Variants in HEATR6 observed in about 807,000 individuals in gnomAD.
HEATR6 encodes the protein HEAT repeat-containing protein 6.
HEATR6 carries 106 observed loss-of-function variants against 132.8 expected under a neutral mutation model. The ratio of observed to expected loss-of-function variants is 0.80; its 90% CI spans 0.68 to 0.94. The LOEUF (loss-of-function observed/expected upper bound fraction) is 0.94. HEATR6 is among the 40% of genes least tolerant of loss of function. The probability of loss-of-function intolerance (pLI) is 0.00; values close to 1 mark genes in which losing one functional copy is unlikely to be tolerated. For synonymous variants in HEATR6, 529 were observed against 537.8 expected, an observed-to-expected ratio of 0.98 and a Z score of 0.23; for missense variants, 1,339 against 1,425.1, an observed-to-expected ratio of 0.94 and a Z score of 0.97.
In HEATR6 at chr17:60,049,584, C is replaced by G; in HGVS notation, c.2543G>C (p.Arg848Thr). Residue 848 changes from arginine to threonine, a missense_variant, in exon 16 of 20, where the codon AGA (arginine) becomes ACA (threonine). Transcript: ENST00000184956. ...GCTAAATAGGCTCACTCTGACCTGT[C>G]TGAGACAGGGAAAAAGCACATAGAC... The part of the protein sequence containing the change: ...LGVYVLFPCL[R>T]QDVIFVADAA... 1 of 1,613,764 alleles carries G rather than the reference C, an allele frequency of 6.2e-7. No individual in the cohort carries two copies. Among genetic ancestry groups the G allele is most frequent in the African/African-American group, 1.3e-5 (1 of 75,042 alleles).
chr17:60,041,100 A>G lies in HEATR6; in HGVS notation c.*2463T>C, dbSNP rs1906160619. Among the ~76,000 whole-genome samples the G allele has an allele frequency of 6.6e-6, 1 of 152,182 alleles. No homozygotes were observed. Among genetic ancestry groups the G allele is most frequent in the Non-Finnish European group, 1.5e-5 (1 of 68,028 alleles). ...TTTATGGAGGCACGTGCCCAGGCAT[A>G]TGAGGAGCTTCTGTCCTTTAGTGTA... On this transcript the variant is annotated 3_prime_UTR_variant, in exon 20 of 20. Coordinates refer to ENST00000184956, the MANE Select transcript of HEATR6 (RefSeq NM_022070.5).
chr17:60,048,971 ACATATATATATAATATATATATATATAT>A lies in HEATR6; in HGVS notation c.2547+581_2548-584del, dbSNP rs1219731409. On this transcript the variant is annotated intron_variant, in intron 16 of 19. Transcript: ENST00000184956. ...AGTAATTAAAAATTAAAAATAAATA[ACATATATATATAATATATATATATATAT>A]ATATATATATATATATATATGGTAA... is the stretch of plus-strand genomic sequence containing the variant. Among the ~76,000 whole-genome samples, 11 of 106,508 alleles carry A rather than the reference ACATATATATATAATATATATATATATAT, an allele frequency of 1.0e-4. 1 individual carries two copies. Among genetic ancestry groups the A allele is most frequent in the African/African-American group, 4.2e-4 (10 of 23,838 alleles). 69.9% of individuals were successfully genotyped at this position (106,508 alleles called of 152,430 possible). A position where few individuals can be genotyped will look rare whatever the true frequency, so the allele number is the denominator to read the frequency against.
chr17:60,044,752 ATGGG>A (rs1403097129), intron 19 of HEATR6, among the ~76,000 whole-genome samples: 7 of 152,152 alleles, frequency 4.6e-5, no homozygotes, highest in Admixed American at 1.3e-4. Context: ...CTTACTCAAG[ATGGG>A]TGACAGAGTA....
chr17:60,073,238 C>T lies in HEATR6; in HGVS notation c.510G>A (p.Lys170=), dbSNP rs528452926. ...ELLGNTGLLM[K]LSDLAQSDPE... ...GATCAGACTGAGCCAAGTCACTCAACTTCATTAAGAGTCCGGTGTTGCCTA... is the reference window on the plus strand; with the variant it reads ...GATCAGACTGAGCCAAGTCACTCAATTTCATTAAGAGTCCGGTGTTGCCTA... The change falls in exon 4 of 20, where the codon AAG becomes AAA. Residue 170 remains lysine, a synonymous_variant. Transcript: ENST00000184956. 4.3e-6 allele frequency: 7 copies of T among 1,613,782 alleles called. No individual in the cohort carries two copies. The African/African-American group carries it at 8.0e-5, about 18-fold the overall frequency.
In HEATR6 at chr17:60,055,515, CAAG is replaced by C; in HGVS notation, c.2286_2288del (p.Phe762del). ...AAACTATGAATTGACATTTATTTACCAAGAAGACTGGTGCTCTCTGATCAGGTG... is the reference window on the plus strand; with the variant it reads ...AAACTATGAATTGACATTTATTTACCAAGACTGGTGCTCTCTGATCAGGTG... On this transcript the variant is annotated inframe_deletion and splice_region_variant, in exon 14 of 20. Coordinates refer to ENST00000184956, the MANE Select transcript of HEATR6 (RefSeq NM_022070.5). The C allele has an allele frequency of 6.3e-7, 1 of 1,598,802 alleles. No homozygotes were observed. The highest frequency in any genetic ancestry group is 8.5e-7 in the Non-Finnish European group (1 of 1,171,498).
In HEATR6 at chr17:60,078,836, C is replaced by T. The variant is rs1404227363; in HGVS notation, c.79G>A (p.Gly27Ser). 5 of 1,606,964 alleles carry T rather than the reference C, an allele frequency of 3.1e-6. No homozygotes were observed. Among genetic ancestry groups the T allele is most frequent in the African/African-American group, 1.3e-5 (1 of 74,172 alleles). The change falls in exon 1 of 20, where the codon GGC becomes AGC. Residue 27 changes from glycine to serine, a missense_variant. Coordinates refer to ENST00000184956, the MANE Select transcript of HEATR6 (RefSeq NM_022070.5). ...GCAGACAAGAGGCGAAACCCATTGCCTCGCTCAGGGATTGCTTCCCGCGGT... is the reference window on the plus strand; with the variant it reads ...GCAGACAAGAGGCGAAACCCATTGCTTCGCTCAGGGATTGCTTCCCGCGGT... The part of the protein sequence containing the change: ...EAPREAIPER[G>S]NGFRLLSARL...
intron 19 of HEATR6, among the ~76,000 whole-genome samples, chr17:60,044,425 T>G (rs1484451750): frequency 6.6e-6 from 1 of 152,140 alleles, no homozygotes; most frequent in African/African-American, 2.4e-5. Context: ...AAAGGCTTCT[T>G]CTCTGGGAGG....
At chr17:60,046,770 C>T (rs1182637765) in intron 18 of HEATR6, among the ~76,000 whole-genome samples, 1 of 152,156 alleles carries the variant, frequency 6.6e-6, no homozygotes, top group African/African-American at 2.4e-5. Flanking sequence ...TGGTATGGGT[C>T]AGGTACTGTG....
intron 13 of HEATR6, 43 bp from the exon 14 acceptor site, chr17:60,055,644 T>C (rs1906717953): frequency 1.4e-6 from 2 of 1,419,680 alleles, no homozygotes; most frequent in East Asian, 2.3e-5. Context: ...TCAGAACTAA[T>C]GAATGACTTC....
At chr17:60,060,244 T>C (rs1010110732) in intron 9 of HEATR6, 148 bp from the exon 10 acceptor site, 9 of 620,542 alleles carry the variant, frequency 1.5e-5, no homozygotes, top group Non-Finnish European at 2.5e-5. Flanking sequence ...TCCTAAAAAC[T>C]AGGCCACTTG....
chr17:60,057,635 G>C (rs1906788098), intron 11 of HEATR6, among the ~76,000 whole-genome samples: 1 of 152,176 alleles, frequency 6.6e-6, no homozygotes, highest in African/African-American at 2.4e-5. Flanking sequence ...TTTGGTGACA[G>C]AGCTTAGAGT....
intron 5 of HEATR6, among the ~76,000 whole-genome samples, chr17:60,071,414 A>G (rs998257074): frequency 2.0e-5 from 3 of 152,200 alleles, no homozygotes; most frequent in Admixed American, 1.3e-4. Flanking sequence ...AAAGAAGCTA[A>G]CCCTCTGCTA....
At chr17:60,061,438 G>A (rs1178731925) in intron 9 of HEATR6, among the ~76,000 whole-genome samples, 1 of 151,920 alleles carries the variant, frequency 6.6e-6, no homozygotes, top group Non-Finnish European at 1.5e-5. Context: ...GTGAAAAAAC[G>A]AGAGAGCGAG....
Position 60,067,732 on chromosome 17 carries a change from T to A in HEATR6, c.940A>T (p.Asn314Tyr), listed in dbSNP as rs2083249736. ...TTTACTTTGGATTTTTTCTTTTTAT[T>A]CTGATTGTGGGAGCAAATGAAGACA... is the stretch of plus-strand genomic sequence containing the variant. ...SESSASRPTLNKKKKSKVKPK... is the reference protein window; with the variant it reads ...SESSASRPTLYKKKKSKVKPK... Residue 314 changes from asparagine to tyrosine, a missense_variant and splice_region_variant, in exon 8 of 20, where the codon AAT becomes TAT. Asn to Tyr is a moderately radical substitution (Grantham distance 143, BLOSUM62 -2). Coordinates refer to ENST00000184956, the MANE Select transcript of HEATR6 (RefSeq NM_022070.5). The A allele has an allele frequency of 6.2e-7, 1 of 1,610,182 alleles. No homozygotes were observed. The highest frequency in any genetic ancestry group is 1.1e-5 in the South Asian group (1 of 90,412).
intron 19 of HEATR6, 86 bp downstream of exon 19, chr17:60,045,939 C>T: frequency 2.0e-6 from 2 of 1,022,288 alleles, no homozygotes; most frequent in Non-Finnish European, 3.0e-6. Context: ...TGACAAATAA[C>T]ATGTGACAAA....
Position 60,078,919 on chromosome 17 carries a change from T to C in HEATR6, c.-5A>G. 1 of 93,338 alleles carries C rather than the reference T, an allele frequency of 1.1e-5. No homozygotes were observed. Among genetic ancestry groups the C allele is most frequent in the Non-Finnish European group, 2.0e-5 (1 of 50,162 alleles). The allele number at this position is 93,338 out of a possible 1,614,324, so 5.8% of individuals were successfully genotyped here. On this transcript the variant is annotated 5_prime_UTR_variant, in exon 1 of 20. Coordinates refer to ENST00000184956, the MANE Select transcript of HEATR6 (RefSeq NM_022070.5). ...GACAACTTGCACAGCAGCCATCTTT[T>C]CTACGGGCGGGGGGGGTGGGTGGGG... is the stretch of plus-strand genomic sequence containing the variant.
chr17:60,044,369 G>A (rs780888259), intron 19 of HEATR6, among the ~76,000 whole-genome samples: 5 of 152,170 alleles, frequency 3.3e-5, no homozygotes, highest in Non-Finnish European at 7.4e-5. Context: ...CCTGCCACAC[G>A]CTTAGAGCCT....
At chr17:60,047,590 T>A (rs1906411904) in intron 17 of HEATR6, among the ~76,000 whole-genome samples, 185 bp from the exon 18 acceptor site, 1 of 137,844 alleles carries the variant, frequency 7.3e-6, no homozygotes, top group South Asian at 2.1e-4. Flanking sequence ...CATAGGAATG[T>A]CTCAAAAAAA....
chr17:60,070,050 T>A (rs572585596), intron 6 of HEATR6, among the ~76,000 whole-genome samples: 1 of 152,326 alleles, frequency 6.6e-6, no homozygotes, highest in African/African-American at 2.4e-5. Flanking sequence ...GAGCTGAAGT[T>A]TATCTGGCCT....
Sources: allele counts gnomAD v4.1 joint callset (sites outside exome capture counted in the v4.1 genomes callset), GRCh38; gene constraint gnomAD v4.1.1; transcripts MANE v1.5; gene names NCBI Gene and HGNC (gene_info 2026-07-23, HGNC 2026-07-21).